PNPLA7: variants seen among roughly 807,000 people sequenced by gnomAD.
PNPLA7 encodes the protein patatin like domain 7, lysophospholipase.
In PNPLA7, 153 loss-of-function variants were observed where a neutral mutation model predicts 161.7. That is an observed-to-expected ratio of 0.95 (90% CI 0.83 to 1.08). The LOEUF (loss-of-function observed/expected upper bound fraction) is 1.08, where lower values mean the gene tolerates loss of function less well. Among genes scored for constraint, PNPLA7 ranks in the 50% least tolerant of loss-of-function variants. The pLI is 0.00. For missense variants in PNPLA7, 1,739 were observed against 1,856.6 expected, an observed-to-expected ratio of 0.94 and a Z score of 1.16; for synonymous variants, 809 against 782.1, an observed-to-expected ratio of 1.03 and a Z score of -0.57.
At chr9:137,463,657 G>A (rs2132060322) in intron 28 of PNPLA7, 126 bp from the exon 29 acceptor site, 2 of 667,214 alleles carry the variant, frequency 3.0e-6, no homozygotes, top group Non-Finnish European at 5.1e-6. Context: ...CTCCACAGAG[G>A]GAAGCTCATG....
chr9:137,515,523 C>A lies in PNPLA7; in HGVS notation c.1085-4G>T. On this transcript the variant is annotated splice_region_variant and splice_polypyrimidine_tract_variant and intron_variant, in intron 11 of 34. Coordinates refer to ENST00000406427, the MANE Select transcript of PNPLA7 (RefSeq NM_001098537.3). Reference sequence around the variant, plus strand: ...GCCGGGCGGCCGCCCCCGTGATCTGCTGGGGAGGCAGCCGTAAGCAACCTT... The same window carrying A: ...GCCGGGCGGCCGCCCCCGTGATCTGATGGGGAGGCAGCCGTAAGCAACCTT... 1.3e-6 allele frequency: 2 copies of A among 1,541,272 alleles called. No homozygotes were observed. Among genetic ancestry groups the A allele is most frequent in the South Asian group, 1.2e-5 (1 of 80,684 alleles).
rs1463486983 is a variant in PNPLA7, at chr9:137,500,939, G to A, written c.1552-43C>T. On this transcript the variant is annotated intron_variant, in intron 15 of 34. Coordinates refer to ENST00000406427, the MANE Select transcript of PNPLA7 (RefSeq NM_001098537.3). The surrounding 1 kb of genome is among the most constrained non-coding windows in gnomAD (Gnocchi z 5.5). Reference sequence around the variant, plus strand: ...TCAGGAGGCGCCGCGAGTGGCCGCGGGCAGGACGGGGGCAGCTCTGGGCCC... The same window carrying A: ...TCAGGAGGCGCCGCGAGTGGCCGCGAGCAGGACGGGGGCAGCTCTGGGCCC... 4 of 1,519,860 alleles carry A rather than the reference G, an allele frequency of 2.6e-6. No homozygotes were observed. In the African/African-American group the frequency reaches 4.1e-5, roughly 16 times the overall value. 94.1% of individuals were successfully genotyped at this position (1,519,860 alleles called of 1,614,324 possible).
chr9:137,546,489 G>A (rs543867947), intron 4 of PNPLA7, among the ~76,000 whole-genome samples: 22 of 152,216 alleles, frequency 1.4e-4, no homozygotes, highest in African/African-American at 4.8e-4. Context: ...CACCGACCCT[G>A]TGGGGCTGGG....
At chr9:137,516,309 G>A (rs185515555) in intron 11 of PNPLA7, 12 of 983,794 alleles carry the variant, frequency 1.2e-5, no homozygotes, top group Non-Finnish European at 1.4e-5. Context: ...CCCCTCAGGT[G>A]AAACGAGGAA....
intron 4 of PNPLA7, 126 bp downstream of exon 4, chr9:137,546,703 AG>A: frequency 1.3e-6 from 1 of 768,162 alleles, no homozygotes; most frequent in Non-Finnish European, 2.2e-6. Context: ...AGAGCTGGGA[AG>A]CTGGGGAGAG....
intron 26 of PNPLA7, among the ~76,000 whole-genome samples, chr9:137,466,871 C>A (rs1831496508): frequency 6.7e-6 from 1 of 149,292 alleles, no homozygotes; most frequent in Non-Finnish European, 1.5e-5. Flanking sequence ...GATCAGACCA[C>A]CTCCCACCAC....
rs772857527 is a variant in PNPLA7, at chr9:137,461,990, C to T, written c.3697G>A (p.Gly1233Ser). Residue 1233 changes from glycine to serine, a missense_variant, in exon 32 of 35, where the codon GGC becomes AGC. By Grantham distance (56) the Gly-to-Ser change is moderately conservative. Transcript: ENST00000406427. ...RTVFDIWGRS[G>S]VLEKMLRDQQ... is the part of the protein sequence containing the mutation. The stretch of plus-strand genomic sequence containing the variant: ...TCGCGGAGCATCTTCTCCAGCACGC[C>T]GCTGCGGCCCCAGATGTCAAACACC... 69 of 1,602,528 alleles carry T rather than the reference C, an allele frequency of 4.3e-5. No homozygotes were observed. The Middle Eastern group carries it at 5.0e-4, about 12-fold the overall frequency.
At position 137,524,557 on chromosome 9, in the gene PNPLA7, C is replaced by T. The variant is rs1315613710; in HGVS notation, c.748-1700G>A. ...TCCCAGTGTTTGCGTGGACACAGTT[C>T]TCATCCCTCTTGCTAAATACCTAGG... is the stretch of plus-strand genomic sequence containing the variant. On this transcript the variant is annotated intron_variant, in intron 8 of 34. Coordinates refer to ENST00000406427, the MANE Select transcript of PNPLA7 (RefSeq NM_001098537.3). This position sits in a 1 kb window ranked among gnomAD's most constrained non-coding sequence, Gnocchi z 4.4. Among the ~76,000 whole-genome samples the T allele has an allele frequency of 6.6e-6, 1 of 152,254 alleles. No homozygotes were observed. The highest frequency in any genetic ancestry group is 1.9e-4 in the East Asian group (1 of 5,206).
chr9:137,496,340 C>A (rs1359792424), intron 18 of PNPLA7, among the ~76,000 whole-genome samples: 13 of 151,904 alleles, frequency 8.6e-5, no homozygotes, highest in Admixed American at 8.5e-4. Context: ...CTCCCAACCT[C>A]AGGTGGTCCA....
Position 137,519,942 on chromosome 9 carries a change from C to A in PNPLA7, c.1059G>T (p.Pro353=), listed in dbSNP as rs760926549. Residue 353 remains proline, a synonymous_variant, in exon 11 of 35, where the codon CCG becomes CCT. Coordinates refer to ENST00000406427, the MANE Select transcript of PNPLA7 (RefSeq NM_001098537.3). ...YGEEERLKKP[P]RLQESCDSDH... ...CTGAGTCACAGGACTCCTGGAGCCGCGGTGGCTTTTTAAGCCGCTCTTCTT... is the reference window on the plus strand; with the variant it reads ...CTGAGTCACAGGACTCCTGGAGCCGAGGTGGCTTTTTAAGCCGCTCTTCTT... The A allele has an allele frequency of 1.2e-6, 2 of 1,612,670 alleles. No individual in the cohort carries two copies.
chr9:137,513,691 C>T (rs775557227), intron 12 of PNPLA7, among the ~76,000 whole-genome samples: 3 of 152,066 alleles, frequency 2.0e-5, no homozygotes, highest in African/African-American at 4.8e-5. Context: ...GGAAGAGAAT[C>T]TCCAACAACT....
At position 137,490,384 on chromosome 9, in the gene PNPLA7, T is replaced by G. The variant is rs1285255122; in HGVS notation, c.2197+2629A>C. ...AGTGCTGGGATGAGGTGTAAGACACTGTGCCTGGTCAAAACATTCTTGAAC... is the reference window on the plus strand; with the variant it reads ...AGTGCTGGGATGAGGTGTAAGACACGGTGCCTGGTCAAAACATTCTTGAAC... On this transcript the variant is annotated intron_variant, in intron 20 of 34. Coordinates refer to ENST00000406427, the MANE Select transcript of PNPLA7 (RefSeq NM_001098537.3). This position sits in a 1 kb window ranked among gnomAD's most constrained non-coding sequence, Gnocchi z 4.1. 1.3e-5 allele frequency among the ~76,000 whole-genome samples: 2 copies of G among 152,166 alleles called. No homozygotes were observed. Among genetic ancestry groups the G allele is most frequent in the Non-Finnish European group, 2.9e-5 (2 of 68,024 alleles).
At chr9:137,475,683 T>G (rs977135094) in intron 25 of PNPLA7, among the ~76,000 whole-genome samples, 2 of 142,940 alleles carry the variant, frequency 1.4e-5, no homozygotes, top group Admixed American at 1.4e-4. Flanking sequence ...TGAGAACCTG[T>G]TTTTTTTTTA....
At chr9:137,471,577 A>G (rs1409809495) in intron 25 of PNPLA7, among the ~76,000 whole-genome samples, 3 of 149,994 alleles carry the variant, frequency 2.0e-5, no homozygotes, top group Non-Finnish European at 4.5e-5. Context: ...CAGCCTGGGT[A>G]ACAGAGCAAG....
At chr9:137,503,898 GAA>G in intron 14 of PNPLA7, among the ~76,000 whole-genome samples, 1 of 113,850 alleles carries the variant, frequency 8.8e-6, no homozygotes, top group African/African-American at 3.3e-5. Flanking sequence ...GGAAGAAGAA[GAA>G]GGAAGAAGAA....
rs1831876810 is a variant in PNPLA7, at chr9:137,474,982, CT to C, written c.2882+3051del. Among the ~76,000 whole-genome samples, 10 of 123,548 alleles carry C rather than the reference CT, an allele frequency of 8.1e-5. No homozygotes were observed. The South Asian group carries it at 2.6e-3, about 32-fold the overall frequency. 81.1% of individuals were successfully genotyped at this position (123,548 alleles called of 152,430 possible). On this transcript the variant is annotated intron_variant, in intron 25 of 34. Transcript: ENST00000406427. ...CTTGCAGGGAGCCGAGCCGAGATCG[CT>C]CACTGCGACAGAACAAGACTCTGCC...
chr9:137,504,643 G>A, intron 14 of PNPLA7, among the ~76,000 whole-genome samples: 1 of 152,214 alleles, frequency 6.6e-6, no homozygotes, highest in East Asian at 1.9e-4. Flanking sequence ...CGCTGGGTGG[G>A]TGAGCAATCG....
chr9:137,543,924 C>T lies in PNPLA7; in HGVS notation c.274-109G>A. The T allele has an allele frequency of 1.2e-6, 1 of 866,872 alleles. No individual in the cohort carries two copies. The highest frequency in any genetic ancestry group is 2.5e-5 in the East Asian group (1 of 39,606). 53.7% of individuals were successfully genotyped at this position (866,872 alleles called of 1,614,324 possible). ...CCTGCCTGTGGGCCTCCCACAGTCC[C>T]AGCTTCAGCTCCTGGGGTCTGGCTG... On this transcript the variant is annotated intron_variant, in intron 4 of 34. Transcript: ENST00000406427. This position sits in a 1 kb window ranked among gnomAD's most constrained non-coding sequence, Gnocchi z 6.9.
rs1234859801 is a variant in PNPLA7, at chr9:137,520,213, C to A, written c.958-170G>T. On this transcript the variant is annotated intron_variant, in intron 10 of 34. Coordinates refer to ENST00000406427, the MANE Select transcript of PNPLA7 (RefSeq NM_001098537.3). The surrounding 1 kb of genome is among the most constrained non-coding windows in gnomAD (Gnocchi z 5.2). Reference sequence around the variant, plus strand: ...CTCTCAAAGGTGTGACAGGTGTGGGCCTCTCAAAGGTGTGACAGGTGTGGG... The same window carrying A: ...CTCTCAAAGGTGTGACAGGTGTGGGACTCTCAAAGGTGTGACAGGTGTGGG... Among the ~76,000 whole-genome samples, 5 of 151,784 alleles carry A rather than the reference C, an allele frequency of 3.3e-5. No homozygotes were observed. The highest frequency in any genetic ancestry group is 1.9e-4 in the East Asian group (1 of 5,152).
Sources: gnomAD v4.1 joint callset for allele counts (sites outside exome capture counted in the v4.1 genomes callset) on GRCh38, gnomAD v4.1.1 for gene constraint, Gnocchi (gnomAD v3.1) non-coding constraint, MANE v1.5 for transcripts, NCBI Gene and HGNC (gene_info 2026-07-23, HGNC 2026-07-21) for gene names.